ADAMTSL1: variants seen among roughly 807,000 people sequenced by gnomAD.
ADAMTSL1 encodes the protein ADAMTS like 1, also known as ADAMTS-like protein 1.
A neutral mutation model predicts 201.8 loss-of-function variants in ADAMTSL1; 126 were observed. That is an observed-to-expected ratio of 0.62 (90% CI 0.54 to 0.72). ADAMTSL1 has a LOEUF of 0.72. Ranked by LOEUF, ADAMTSL1 falls within the 30% of genes least tolerant of loss-of-function variation. The pLI is 0.00. For synonymous variants in ADAMTSL1, 1,121 were observed against 903.4 expected (o/e 1.24, Z -4.32); for missense variants, 2,679 against 2,277.8 (o/e 1.18, Z -3.59).
intron 20 of ADAMTSL1, among the ~76,000 whole-genome samples, chr9:18,797,002 C>T (rs1445856087): frequency 6.6e-6 from 1 of 152,148 alleles, no homozygotes; most frequent in African/African-American, 2.4e-5. Flanking sequence ...GAATTTAATA[C>T]GATTAATAGA....
intron 3 of ADAMTSL1, among the ~76,000 whole-genome samples, chr9:18,544,592 G>C (rs922956313): frequency 2.6e-5 from 4 of 152,142 alleles, no homozygotes; most frequent in Admixed American, 6.6e-5. Context: ...ACCATTGAGT[G>C]ATATGAGCTG....
intron 20 of ADAMTSL1, among the ~76,000 whole-genome samples, chr9:18,816,053 C>G (rs1448987771): frequency 6.6e-6 from 1 of 152,104 alleles, no homozygotes; most frequent in Non-Finnish European, 1.5e-5. Flanking sequence ...CACATAGTCA[C>G]CCTACTGTGC....
At chr9:18,494,092 C>T (rs534771877) in intron 1 of ADAMTSL1, among the ~76,000 whole-genome samples, 1 of 152,258 alleles carries the variant, frequency 6.6e-6, no homozygotes, top group African/African-American at 2.4e-5. Flanking sequence ...GGTGGTGGCT[C>T]ACGCCTGTAA....
At chr9:18,672,874 G>T (rs1829905827) in intron 9 of ADAMTSL1, among the ~76,000 whole-genome samples, 1 of 147,020 alleles carries the variant, frequency 6.8e-6, no homozygotes, top group African/African-American at 2.4e-5. Context: ...ATGATCACTT[G>T]CTCATGCTCA....
At chr9:18,525,634 G>T (rs1818989750) in intron 2 of ADAMTSL1, among the ~76,000 whole-genome samples, 1 of 152,082 alleles carries the variant, frequency 6.6e-6, no homozygotes. Context: ...AGAGATTCTG[G>T]TATGTTGTGT....
chr9:18,132,094 C>G (rs943473179), intron 1 of ADAMTSL1, among the ~76,000 whole-genome samples: 6 of 152,014 alleles, frequency 3.9e-5, no homozygotes, highest in Non-Finnish European at 8.8e-5. Flanking sequence ...TGTGCCCTAC[C>G]AGCCCAGAAA....
chr9:18,879,229 G>T (rs187531072), intron 23 of ADAMTSL1, among the ~76,000 whole-genome samples: 1 of 152,120 alleles, frequency 6.6e-6, no homozygotes, highest in Non-Finnish European at 1.5e-5. Flanking sequence ...GCACCTTAAA[G>T]GTTATTTCAT....
intron 1 of ADAMTSL1, among the ~76,000 whole-genome samples, chr9:18,048,225 C>T (rs1821760478): frequency 6.6e-6 from 1 of 152,152 alleles, no homozygotes; most frequent in East Asian, 1.9e-4. Context: ...TTTTCATCAA[C>T]TCACATTTTG....
At chr9:18,802,193 T>C (rs549260216) in intron 20 of ADAMTSL1, among the ~76,000 whole-genome samples, 2 of 152,090 alleles carry the variant, frequency 1.3e-5, no homozygotes, top group African/African-American at 4.8e-5. Context: ...GGAGGATAGC[T>C]TGAGCCTAGG....
intron 2 of ADAMTSL1, among the ~76,000 whole-genome samples, chr9:18,285,941 C>T (rs1169039856): frequency 6.6e-6 from 1 of 152,094 alleles, no homozygotes; most frequent in South Asian, 2.1e-4. Flanking sequence ...CCACTATGTT[C>T]TATCTAAGAA....
intron 2 of ADAMTSL1, among the ~76,000 whole-genome samples, chr9:18,445,427 C>A (rs1820154258): frequency 6.6e-6 from 1 of 152,070 alleles, no homozygotes; most frequent in Non-Finnish European, 1.5e-5. Flanking sequence ...CAAAATGATA[C>A]CCTTGTGGTA....
At chr9:18,129,336 TG>T (rs1400694742) in intron 1 of ADAMTSL1, among the ~76,000 whole-genome samples, 2 of 152,204 alleles carry the variant, frequency 1.3e-5, no homozygotes, top group Admixed American at 6.5e-5. Flanking sequence ...GTAGACATTT[TG>T]CACTATGTTC....
chr9:17,913,524 G>C (rs544632676), intron 1 of ADAMTSL1, among the ~76,000 whole-genome samples: 5 of 152,246 alleles, frequency 3.3e-5, no homozygotes, highest in African/African-American at 1.2e-4. Flanking sequence ...TCAAAGTAGT[G>C]TGTAGAGGGA....
intron 2 of ADAMTSL1, among the ~76,000 whole-genome samples, chr9:18,242,095 A>T (rs1831088482): frequency 6.6e-6 from 1 of 152,114 alleles, no homozygotes; most frequent in African/African-American, 2.4e-5. Context: ...GATGAACATT[A>T]ATGTAAAAAT....
chr9:18,744,263 T>C (rs1269661152), intron 15 of ADAMTSL1, among the ~76,000 whole-genome samples: 1 of 152,264 alleles, frequency 6.6e-6, no homozygotes, highest in Non-Finnish European at 1.5e-5. Context: ...CATTCTTTGC[T>C]ATGTCTCCTG....
chr9:18,021,535 T>C (rs1262611490), intron 1 of ADAMTSL1, among the ~76,000 whole-genome samples: 1 of 152,150 alleles, frequency 6.6e-6, no homozygotes, highest in Non-Finnish European at 1.5e-5. Flanking sequence ...AAATCTCCTC[T>C]TTACAAAACA....
intron 2 of ADAMTSL1, among the ~76,000 whole-genome samples, chr9:18,390,121 T>C (rs530874116): frequency 2.1e-4 from 32 of 152,278 alleles, no homozygotes; most frequent in African/African-American, 7.7e-4. Flanking sequence ...TGAGATTGTA[T>C]ATATTTATTA....
At chr9:18,648,701 T>C (rs1827985645) in intron 7 of ADAMTSL1, among the ~76,000 whole-genome samples, 1 of 152,024 alleles carries the variant, frequency 6.6e-6, no homozygotes, top group Admixed American at 6.6e-5. Context: ...TCTTTAAGAA[T>C]GTTGAATATT....
chr9:18,267,933 A>G (rs909915903), intron 2 of ADAMTSL1, among the ~76,000 whole-genome samples: 2 of 152,122 alleles, frequency 1.3e-5, no homozygotes, highest in Non-Finnish European at 2.9e-5. Flanking sequence ...CTCACAATAT[A>G]CAGATTTCTC....
Sources: allele counts gnomAD v4.1 joint callset (sites outside exome capture counted in the v4.1 genomes callset), GRCh38; gene constraint gnomAD v4.1.1; transcripts MANE v1.5; gene names NCBI Gene and HGNC (gene_info 2026-07-23, HGNC 2026-07-21).